Variants in MED23 observed in about 807,000 individuals in gnomAD.
MED23 encodes mediator complex subunit 23, also known as mediator of RNA polymerase II transcription subunit 23.
Under a neutral mutation model 163.9 loss-of-function variants are expected in MED23, and 105 were observed. That is an observed-to-expected ratio of 0.64 (90% CI 0.55 to 0.75). The LOEUF is 0.75. Among genes scored for constraint, MED23 ranks in the 30% least tolerant of loss-of-function variants. MED23 has a pLI of 0.00. For missense variants in MED23, 1,054 were observed against 1,649.0 expected (o/e 0.64, Z 6.25); for synonymous variants, 561 against 565.6 (o/e 0.99, Z 0.12).
intron 23 of MED23, 91 bp downstream of exon 23, chr6:131,594,008 A>T: frequency 9.2e-7 from 1 of 1,090,922 alleles, no homozygotes; most frequent in Non-Finnish European, 1.3e-6. Context: ...ACCTTGAAAT[A>T]CATAAAAAAT....
intron 8 of MED23, among the ~76,000 whole-genome samples, chr6:131,619,401 A>T (rs1166808248): frequency 6.6e-6 from 1 of 151,816 alleles, no homozygotes; most frequent in Non-Finnish European, 1.5e-5. Flanking sequence ...AAGTTCAGAG[A>T]CTCTAACAAA....
At chr6:131,602,665 A>G (rs899153254) in intron 16 of MED23, among the ~76,000 whole-genome samples, 21 of 152,180 alleles carry the variant, frequency 1.4e-4, no homozygotes, top group African/African-American at 5.1e-4. Flanking sequence ...ATATTTTTCT[A>G]TCTAAAATAT....
chr6:131,607,780 T>C, intron 12 of MED23, 148 bp downstream of exon 12: 1 of 856,002 alleles, frequency 1.2e-6, no homozygotes, highest in South Asian at 1.6e-5. Flanking sequence ...CTACCTAGAA[T>C]GTAGAGAAAG....
rs1259311947 is a variant in MED23, at chr6:131,591,339, G to T, written c.3660C>A (p.Ser1220Arg). 1 of 1,612,858 alleles carries T rather than the reference G, an allele frequency of 6.2e-7. No homozygotes were observed. The highest frequency in any genetic ancestry group is 8.5e-7 in the Non-Finnish European group (1 of 1,178,882). ...ALAHAVWHHSSIGQLSLIPKF... is the reference protein window; with the variant it reads ...ALAHAVWHHSRIGQLSLIPKF... ...TTGGAATGAGAGAAAGTTGTCCGATGCTAGAATGGTGCCACACAGCATGTG... is the reference window on the plus strand; with the variant it reads ...TTGGAATGAGAGAAAGTTGTCCGATTCTAGAATGGTGCCACACAGCATGTG... The change falls in exon 26 of 29, where the codon AGC (serine) becomes AGA (arginine). Residue 1220 changes from serine (S) to arginine (R), a missense_variant. By Grantham distance (110) the Ser-to-Arg change is moderately radical. Transcript: ENST00000368068.
chr6:131,615,481 C>A, intron 10 of MED23: 1 of 257,056 alleles, frequency 3.9e-6, no homozygotes. Context: ...TGTTAAACCA[C>A]CAAAAACAAG....
intron 28 of MED23, among the ~76,000 whole-genome samples, chr6:131,588,809 T>C (rs1289083894): frequency 6.6e-6 from 1 of 152,106 alleles, no homozygotes; most frequent in Admixed American, 6.6e-5. Context: ...CTTTCAGACA[T>C]CCCCATTAGG....
chr6:131,601,339 TCAA>T (rs975380336), intron 17 of MED23, among the ~76,000 whole-genome samples: 2 of 152,208 alleles, frequency 1.3e-5, no homozygotes, highest in African/African-American at 2.4e-5. Flanking sequence ...AAACAAAATG[TCAA>T]CGTTTGCTAG....
intron 8 of MED23, among the ~76,000 whole-genome samples, chr6:131,618,801 G>A (rs542942233): frequency 3.9e-5 from 6 of 152,204 alleles, no homozygotes; most frequent in Non-Finnish European, 7.3e-5. Flanking sequence ...AATCCAGCCT[G>A]GCACCTGTTT....
chr6:131,574,165 A>C, exon 31 of MED23: 7 of 1,196,008 alleles, frequency 5.9e-6, no homozygotes, highest in Non-Finnish European at 8.7e-6. Flanking sequence ...ATAAAAAACA[A>C]AGAACAAAAT....
chr6:131,584,180 G>A (rs568284407), downstream of MED23: 136 of 423,832 alleles, frequency 3.2e-4, no homozygotes, highest in African/African-American at 2.5e-3. Context: ...AAAATTTGCT[G>A]GCATTAAAAA....
intron 30 of MED23, among the ~76,000 whole-genome samples, chr6:131,578,391 C>T (rs771702057): frequency 1.3e-4 from 20 of 152,096 alleles, no homozygotes; most frequent in Non-Finnish European, 2.5e-4. Flanking sequence ...CGAACTGAAT[C>T]ACAGTTTTAC....
In MED23 at chr6:131,576,670, G is replaced by A; in HGVS notation, c.4096-2375C>T. 1 of 1,613,930 alleles carries A rather than the reference G, an allele frequency of 6.2e-7. No individual in the cohort carries two copies. The highest frequency in any genetic ancestry group is 8.5e-7 in the Non-Finnish European group (1 of 1,179,804). On this transcript the variant is annotated intron_variant, in intron 30 of 30. Coordinates refer to the MED23 transcript ENST00000354577. ...TATTTTTTAATTGTTCAGCCACGAG[G>A]AGGGGTGGAAGAAGGCCCTACAGTA...
At position 131,596,114 on chromosome 6, in the gene MED23, G is replaced by C. The variant is rs1210533524; in HGVS notation, c.2828C>G (p.Pro943Arg). Residue 943 changes from proline to arginine, a missense_variant, in exon 22 of 29, where the codon CCT becomes CGT. Pro to Arg is a moderately radical substitution (Grantham distance 103). This residue lies in a region of MED23 where 228 missense variants were observed against 461.3 expected (regional missense o/e 0.49). Transcript: ENST00000368068. ...ATAGGGAGACTGGATCTGTACAGGA[G>C]GATCCACCTGTTCCGCGAGGCCCTC... Reference protein sequence around the residue: ...YFEGLAEQVDPPVQIQSPYLP... With the variant: ...YFEGLAEQVDRPVQIQSPYLP... The C allele has an allele frequency of 6.2e-7, 1 of 1,614,004 alleles. No homozygotes were observed. The highest frequency in any genetic ancestry group is 8.5e-7 in the Non-Finnish European group (1 of 1,180,020).
chr6:131,612,861 T>A (rs900375637), intron 10 of MED23, among the ~76,000 whole-genome samples: 2 of 152,146 alleles, frequency 1.3e-5, no homozygotes, highest in Non-Finnish European at 2.9e-5. Flanking sequence ...AGTCTTAGCA[T>A]CTCATATCCT....
intron 30 of MED23, among the ~76,000 whole-genome samples, chr6:131,575,967 G>A (rs1562353430): frequency 6.6e-6 from 1 of 152,140 alleles, no homozygotes; most frequent in Non-Finnish European, 1.5e-5. Flanking sequence ...GCTTACTTAT[G>A]TGAGTACATG....
At chr6:131,576,086 T>C (rs1229132196) in intron 30 of MED23, among the ~76,000 whole-genome samples, 1 of 152,212 alleles carries the variant, frequency 6.6e-6, no homozygotes, top group Non-Finnish European at 1.5e-5. Flanking sequence ...TACCTACTCA[T>C]GTCGCAAGAC....
intron 6 of MED23, among the ~76,000 whole-genome samples, chr6:131,621,497 T>C (rs1208607342): frequency 3.9e-5 from 6 of 152,174 alleles, no homozygotes; most frequent in East Asian, 1.9e-4. Context: ...ATGGAATGGA[T>C]TGTTCATGGT....
chr6:131,611,180 A>T (rs1197162046), intron 10 of MED23, among the ~76,000 whole-genome samples: 1 of 152,156 alleles, frequency 6.6e-6, no homozygotes, highest in African/African-American at 2.4e-5. Flanking sequence ...AGATGTGATT[A>T]TCAGTCTTTT....
chr6:131,591,552 G>A (rs1774636770), intron 25 of MED23, 25 bp from the exon 26 acceptor site: 1 of 1,524,958 alleles, frequency 6.6e-7, no homozygotes, highest in Non-Finnish European at 9.1e-7. Flanking sequence ...GAAAGCTAGT[G>A]AAAAATATCA....
Sources: gnomAD v4.1 joint callset for allele counts (sites outside exome capture counted in the v4.1 genomes callset) on GRCh38, gnomAD v4.1.1 for gene constraint, gnomAD v4.1.1 regional missense constraint, MANE v1.5 for transcripts, NCBI Gene and HGNC (gene_info 2026-07-23, HGNC 2026-07-21) for gene names.